Variants in MTRF1 observed in about 807,000 individuals in gnomAD.
The protein encoded by MTRF1 is mitochondrial translation release factor 1.
Under a neutral mutation model 62.9 loss-of-function variants are expected in MTRF1, and 51 were observed. The observed-to-expected ratio is 0.81, with a 90% CI of 0.65 to 1.02. The LOEUF (loss-of-function observed/expected upper bound fraction) is 1.02, where lower values mean the gene tolerates loss of function less well. MTRF1 is among the 50% of genes least tolerant of loss of function. MTRF1 has a pLI of 0.00. For missense variants in MTRF1, 446 were observed against 530.0 expected, an observed-to-expected ratio of 0.84 and a Z score of 1.56; for synonymous variants, 158 against 181.9, an observed-to-expected ratio of 0.87 and a Z score of 1.06.
chr13:41,219,670 C>T (rs1210262423), intron 9 of MTRF1, among the ~76,000 whole-genome samples: 2 of 152,052 alleles, frequency 1.3e-5, no homozygotes, highest in Non-Finnish European at 2.9e-5. Flanking sequence ...AGTATTTTCC[C>T]GAATAGAAAT....
At chr13:41,250,763 G>A (rs2038970264) in intron 5 of MTRF1, among the ~76,000 whole-genome samples, 1 of 152,100 alleles carries the variant, frequency 6.6e-6, no homozygotes, top group Non-Finnish European at 1.5e-5. Context: ...ACTGTGCCCA[G>A]CCTATTTACT....
chr13:41,222,676 C>T lies in MTRF1; in HGVS notation c.1224+580G>A, dbSNP rs78424699. ...GAAACAACTTCCAACAGTATTTACG[C>T]GCTGAAAAGCAGCCTCCAGCTGACT... On this transcript the variant is annotated intron_variant, in intron 9 of 9. Coordinates refer to ENST00000379480, the MANE Select transcript of MTRF1 (RefSeq NM_004294.4). 9.5e-3 allele frequency among the ~76,000 whole-genome samples: 1,444 copies of T among 152,300 alleles called. 21 individuals are homozygous for T. The highest frequency in any genetic ancestry group is 0.033 in the African/African-American group (1,357 of 41,556).
In MTRF1 at chr13:41,240,270, C is replaced by G; in HGVS notation, c.861G>C (p.Gln287His). The G allele has an allele frequency of 1.2e-6, 2 of 1,606,972 alleles. No individual in the cohort carries two copies. The highest frequency in any genetic ancestry group is 1.7e-6 in the Non-Finnish European group (2 of 1,176,452). The change falls in exon 6 of 10, where the codon CAG becomes CAC. Residue 287 changes from glutamine to histidine, a missense_variant. Physicochemically the swap from Gln to His is conservative, Grantham distance 24. Transcript: ENST00000379480. ...TGTMSVIVLP[Q>H]PDEVDVKLDP... ...CTCCTCCTGAGGTTACCTCATCTGG[C>G]TGAGGAAGGACAATAACCGACATCG...
intron 9 of MTRF1, among the ~76,000 whole-genome samples, chr13:41,222,683 A>G (rs926307379): frequency 6.6e-6 from 1 of 152,238 alleles, no homozygotes. Context: ...ACGCGCTGAA[A>G]AGCAGCCTCC....
At chr13:41,271,087 A>ACC in the MTRF1 span, among the ~76,000 whole-genome samples, 2 of 127,082 alleles carry the variant, frequency 1.6e-5, no homozygotes, top group African/African-American at 5.6e-5. Context: ...ACACACACAC[A>ACC]CACACCCCAT....
rs1483335037 is a variant in MTRF1, at chr13:41,223,347, G to A, written c.1133C>T (p.Thr378Ile). 3 of 1,613,576 alleles carry A rather than the reference G, an allele frequency of 1.9e-6. No homozygotes were observed. Among genetic ancestry groups the A allele is most frequent in the Non-Finnish European group, 2.5e-6 (3 of 1,179,762 alleles). Residue 378 changes from threonine (T) to isoleucine (I), a missense_variant, in exon 9 of 10, where the codon ACA (threonine) becomes ATA (isoleucine). Thr to Ile is a moderately conservative substitution (Grantham distance 89). Coordinates refer to ENST00000379480, the MANE Select transcript of MTRF1 (RefSeq NM_004294.4). The part of the protein sequence containing the change: ...QQSARKLQVG[T>I]RAQSERIRTY... ...CCGAATTCGCTCTGACTGGGCTCTT[G>A]TTCCCACCTGTGCCATAACAAAAAG...
At chr13:41,305,864 T>C in the MTRF1 span, among the ~76,000 whole-genome samples, 9 of 152,214 alleles carry the variant, frequency 5.9e-5, no homozygotes, top group African/African-American at 2.2e-4. Flanking sequence ...GTGTCCCTCA[T>C]AGGACTTGCT....
At chr13:41,247,870 T>C (rs561108240) in intron 5 of MTRF1, among the ~76,000 whole-genome samples, 1 of 152,236 alleles carries the variant, frequency 6.6e-6, no homozygotes, top group East Asian at 1.9e-4. Flanking sequence ...CACTGTGAGA[T>C]GGGCATGAGC....
chr13:41,259,821 C>G (rs2040225806), intron 2 of MTRF1, among the ~76,000 whole-genome samples: 1 of 152,176 alleles, frequency 6.6e-6, no homozygotes, highest in Admixed American at 6.5e-5. Flanking sequence ...TGAGTGCCCT[C>G]TCCTCTTTGC....
upstream of MTRF1, among the ~76,000 whole-genome samples, chr13:41,268,291 A>T (rs1366653548): frequency 1.3e-5 from 2 of 152,232 alleles, no homozygotes; most frequent in South Asian, 2.1e-4. Flanking sequence ...AAGCCAAATT[A>T]TGTCATTTTT....
intron 9 of MTRF1, among the ~76,000 whole-genome samples, chr13:41,218,392 G>T (rs1431244630): frequency 6.7e-6 from 1 of 149,368 alleles, no homozygotes; most frequent in African/African-American, 2.5e-5. Context: ...TCAAAGTGCT[G>T]GGATTACAGG....
intron 7 of MTRF1, among the ~76,000 whole-genome samples, chr13:41,226,832 A>G (rs1035275917): frequency 5.9e-5 from 9 of 152,122 alleles, no homozygotes; most frequent in African/African-American, 2.2e-4. Context: ...TCAGTCCCCG[A>G]GCTTGGCCTC....
In MTRF1 at chr13:41,225,520, G is replaced by A. The variant is rs573250942; in HGVS notation, c.1125+912C>T. The stretch of plus-strand genomic sequence containing the variant: ...TCACTTTTATTACCTGCAAGTTAGC[G>A]TGTAGGTAAAGAAAGCTAGAAACGT... On this transcript the variant is annotated intron_variant, in intron 8 of 9. Transcript: ENST00000379480. Among the ~76,000 whole-genome samples, 9 of 152,204 alleles carry A rather than the reference G, an allele frequency of 5.9e-5. No individual in the cohort carries two copies. In the South Asian group the frequency reaches 1.0e-3, roughly 18 times the overall value.
rs549021433 is a variant in MTRF1, at chr13:41,237,352, A to C, written c.870+2909T>G. On this transcript the variant is annotated intron_variant, in intron 6 of 9. Transcript: ENST00000379480. ...ACCATGTAAATGTTTAATATATAAA[A>C]ATATAATTAAGTAAAAGAGAAAAGA... is the stretch of plus-strand genomic sequence containing the variant. 2.6e-5 allele frequency among the ~76,000 whole-genome samples: 4 copies of C among 152,126 alleles called. No individual in the cohort carries two copies. In the South Asian group the frequency reaches 8.3e-4, roughly 32 times the overall value.
Position 41,240,366 on chromosome 13 carries a change from ACCCTCATACT to A in MTRF1, c.755_764del (p.Lys252MetfsTer39). 1.9e-6 allele frequency: 3 copies of A among 1,613,844 alleles called. No homozygotes were observed. The highest frequency in any genetic ancestry group is 2.5e-6 in the Non-Finnish European group (3 of 1,179,888). On this transcript the variant is annotated frameshift_variant, in exon 6 of 10. Transcript: ENST00000379480. LOFTEE classifies it high-confidence loss of function. ...GGATGCGCTGAACTCGGTGAATCCC[ACCCTCATACT>A]TCAAATGCTTATAGACACCGTCACC...
At chr13:41,278,636 T>C in the MTRF1 span, among the ~76,000 whole-genome samples, 1 of 152,192 alleles carries the variant, frequency 6.6e-6, no homozygotes, top group African/African-American at 2.4e-5. Flanking sequence ...GCAAGAGACA[T>C]TAGTATCAGC....
chr13:41,260,400 GAAAATCAAA>G, intron 2 of MTRF1, 84 bp downstream of exon 2: 1 of 1,202,800 alleles, frequency 8.3e-7, no homozygotes, highest in Non-Finnish European at 1.2e-6. Flanking sequence ...CTTTAACTTA[GAAAATCAAA>G]TCTGTACTTA....
chr13:41,233,862 A>G (rs748700211), intron 7 of MTRF1, 28 bp downstream of exon 7: 5 of 1,552,160 alleles, frequency 3.2e-6, no homozygotes, highest in South Asian at 1.1e-5. Flanking sequence ...AAAAGGGTTA[A>G]AAGTACAAAG....
rs1255067187 is a variant in MTRF1, at chr13:41,260,884, CCAAA to C, written c.20_23del (p.Val7GlyfsTer46). The C allele has an allele frequency of 6.2e-7, 1 of 1,608,464 alleles. No homozygotes were observed. The highest frequency in any genetic ancestry group is 2.2e-5 in the East Asian group (1 of 44,738). On this transcript the variant is annotated frameshift_variant, in exon 2 of 10. Transcript: ENST00000379480. LOFTEE classifies it high-confidence loss of function. Reference sequence around the variant, plus strand: ...CATTAAGAGATGGATGTCTAAAAAGCCAAACACACAGGTGACGATTCATCTCAGC... The same window carrying C: ...CATTAAGAGATGGATGTCTAAAAAGCCACACAGGTGACGATTCATCTCAGC...
Sources: gnomAD v4.1 joint callset for allele counts (sites outside exome capture counted in the v4.1 genomes callset) on GRCh38, gnomAD v4.1.1 for gene constraint, MANE v1.5 for transcripts, NCBI Gene and HGNC (gene_info 2026-07-23, HGNC 2026-07-21) for gene names.